NELL2: variants seen among roughly 807,000 people sequenced by gnomAD.
The protein encoded by NELL2 is protein kinase C-binding protein NELL2.
In NELL2, 41 loss-of-function variants were observed where a neutral mutation model predicts 109.6. The observed-to-expected ratio is 0.37, with a 90% confidence interval of 0.29 to 0.49. NELL2 has a LOEUF of 0.49. Among genes scored for constraint, NELL2 ranks in the 20% least tolerant of loss-of-function variants. NELL2 has a pLI of 0.98. For missense variants in NELL2, 900 were observed against 1,008.3 expected, an observed-to-expected ratio of 0.89 and a Z score of 1.45; for synonymous variants, 355 against 344.7, an observed-to-expected ratio of 1.03 and a Z score of -0.33.
chr12:44,648,242 T>C (rs1592266294), intron 13 of NELL2, among the ~76,000 whole-genome samples: 1 of 152,206 alleles, frequency 6.6e-6, no homozygotes, highest in East Asian at 1.9e-4. Context: ...GTTTCGAATT[T>C]AACTGCTAAA....
At chr12:44,736,499 T>C (rs1183685420) in intron 9 of NELL2, among the ~76,000 whole-genome samples, 2 of 152,008 alleles carry the variant, frequency 1.3e-5, no homozygotes, top group Non-Finnish European at 2.9e-5. Context: ...ATATGTATAA[T>C]TGACCTTGCT....
chr12:44,815,824 G>C (rs1201271022), intron 3 of NELL2, 162 bp downstream of exon 3: 10 of 632,800 alleles, frequency 1.6e-5, no homozygotes, highest in Non-Finnish European at 2.5e-5. Flanking sequence ...TCACCATATT[G>C]GTCAGGCTGG....
intron 13 of NELL2, among the ~76,000 whole-genome samples, chr12:44,616,889 A>ACT (rs1205550454): frequency 2.0e-5 from 3 of 151,920 alleles, no homozygotes; most frequent in Non-Finnish European, 4.4e-5. Flanking sequence ...GATAAAATAT[A>ACT]CTCTCTCTCT....
intron 3 of NELL2, among the ~76,000 whole-genome samples, chr12:44,801,726 G>A (rs573010273): frequency 9.2e-5 from 14 of 152,236 alleles, no homozygotes; most frequent in East Asian, 7.7e-4. Flanking sequence ...CAGGGTAGGC[G>A]CTGAAAGTGT....
intron 1 of NELL2, among the ~76,000 whole-genome samples, chr12:44,900,713 C>G (rs1169220783): frequency 4.6e-5 from 7 of 151,990 alleles, no homozygotes; most frequent in Admixed American, 4.6e-4. Context: ...ACAAAAGAAG[C>G]AAGAGAAAAC....
At chr12:44,625,576 T>A (rs1026342399) in intron 13 of NELL2, among the ~76,000 whole-genome samples, 1 of 152,034 alleles carries the variant, frequency 6.6e-6, no homozygotes, top group Non-Finnish European at 1.5e-5. Context: ...ATTGATTGAA[T>A]GTTTTCATGC....
chr12:44,657,344 T>A (rs772342615), intron 13 of NELL2, among the ~76,000 whole-genome samples: 1 of 152,194 alleles, frequency 6.6e-6, no homozygotes, highest in Non-Finnish European at 1.5e-5. Flanking sequence ...TGTGTGCGGA[T>A]GTGCATGCAT....
chr12:44,728,219 A>G (rs556409497), intron 9 of NELL2, among the ~76,000 whole-genome samples: 1 of 152,264 alleles, frequency 6.6e-6, no homozygotes, highest in Admixed American at 6.5e-5. Flanking sequence ...ATACATGAAC[A>G]AAGTTGGAAT....
intron 3 of NELL2, among the ~76,000 whole-genome samples, chr12:44,783,306 C>T (rs958545878): frequency 6.6e-6 from 1 of 150,980 alleles, no homozygotes. Context: ...AATCAATAAG[C>T]TCCCACCTCA....
At chr12:44,618,624 G>C (rs1324808623) in intron 13 of NELL2, among the ~76,000 whole-genome samples, 2 of 152,198 alleles carry the variant, frequency 1.3e-5, no homozygotes, top group Admixed American at 1.3e-4. Context: ...TAAGGTTTCA[G>C]CTATATCATT....
chr12:44,887,268 C>T (rs1348627841), intron 1 of NELL2, among the ~76,000 whole-genome samples: 4 of 151,936 alleles, frequency 2.6e-5, no homozygotes, highest in Non-Finnish European at 5.9e-5. Context: ...CTTCCTGCCT[C>T]GGCCTTCCAA....
At chr12:44,530,460 C>A (rs1011854692) in intron 16 of NELL2, among the ~76,000 whole-genome samples, 1 of 152,186 alleles carries the variant, frequency 6.6e-6, no homozygotes. Context: ...ATGGCCCTTG[C>A]AGTAGGTAGC....
At chr12:44,522,480 G>A (rs1363937382) in intron 17 of NELL2, among the ~76,000 whole-genome samples, 1 of 151,926 alleles carries the variant, frequency 6.6e-6, no homozygotes, top group Non-Finnish European at 1.5e-5. Flanking sequence ...TTATACGTAA[G>A]TATATATTTG....
chr12:44,798,296 A>C (rs755430220), intron 3 of NELL2, among the ~76,000 whole-genome samples: 2 of 151,960 alleles, frequency 1.3e-5, no homozygotes, highest in Non-Finnish European at 2.9e-5. Context: ...GGACAACATG[A>C]CTATGTGCAT....
intron 15 of NELL2, among the ~76,000 whole-genome samples, chr12:44,581,238 G>C (rs1217346489): frequency 6.6e-6 from 1 of 152,126 alleles, no homozygotes; most frequent in Non-Finnish European, 1.5e-5. Flanking sequence ...GTGTATGTAA[G>C]TTTTAATTAT....
At chr12:44,628,471 C>T (rs1946343732) in intron 13 of NELL2, among the ~76,000 whole-genome samples, 1 of 152,172 alleles carries the variant, frequency 6.6e-6, no homozygotes, top group African/African-American at 2.4e-5. Flanking sequence ...CATCTAGTCT[C>T]CAATCCCACT....
At position 44,875,336 on chromosome 12, in the gene NELL2, C is replaced by A. The variant is rs201471780; in HGVS notation, c.73G>T (p.Asp25Tyr). The change falls in exon 2 of 20, where the codon GAC becomes TAC. Residue 25 changes from aspartate to tyrosine, a missense_variant. By Grantham distance (160) the Asp-to-Tyr change is radical (BLOSUM62 -3). This residue lies in a region of NELL2 where 200 missense variants were observed against 191.8 expected (regional missense o/e 1.04). Transcript: ENST00000429094. ...AAGACGTCAATCTGTAGGGAAGGGT[C>A]CACACCAAGCCCCCAAACTGGTGAG... ...GLGAVWGLGV[D>Y]PSLQIDVLTE... The A allele has an allele frequency of 6.2e-7, 1 of 1,614,082 alleles. No homozygotes were observed. The highest frequency in any genetic ancestry group is 1.3e-5 in the African/African-American group (1 of 75,030).
intron 3 of NELL2, among the ~76,000 whole-genome samples, chr12:44,788,317 G>A (rs549871334): frequency 2.6e-5 from 4 of 152,256 alleles, no homozygotes; most frequent in East Asian, 1.9e-4. Context: ...GCAGGACACC[G>A]GAGACACTCC....
At chr12:44,829,361 G>A (rs1168116393) in intron 2 of NELL2, among the ~76,000 whole-genome samples, 1 of 152,062 alleles carries the variant, frequency 6.6e-6, no homozygotes, top group Non-Finnish European at 1.5e-5. Context: ...GCAAATTTAA[G>A]AATCAGTAAT....
Sources: allele counts gnomAD v4.1 joint callset (sites outside exome capture counted in the v4.1 genomes callset), GRCh38; gene constraint gnomAD v4.1.1; regional missense constraint gnomAD v4.1.1; transcripts MANE v1.5; gene names NCBI Gene and HGNC (gene_info 2026-07-23, HGNC 2026-07-21).